SDHC: variants seen among roughly 807,000 people sequenced by gnomAD.
The protein encoded by SDHC is succinate dehydrogenase cytochrome b560 subunit, mitochondrial.
Under a neutral mutation model 22.6 loss-of-function variants are expected in SDHC, and 11 were observed. The ratio of observed to expected loss-of-function variants is 0.49; its 90% CI spans 0.31 to 0.81. The LOEUF (loss-of-function observed/expected upper bound fraction) is 0.81. Ranked by LOEUF, SDHC falls within the 30% of genes least tolerant of loss-of-function variation. SDHC has a pLI of 0.05. For missense variants in SDHC, 160 were observed against 212.0 expected, an observed-to-expected ratio of 0.75 and a Z score of 1.52; for synonymous variants, 80 against 77.8, an observed-to-expected ratio of 1.03 and a Z score of -0.15.
chr1:161,361,664 C>T (rs1672513759), intron 5 of SDHC, among the ~76,000 whole-genome samples: 2 of 151,904 alleles, frequency 1.3e-5, no homozygotes, highest in Admixed American at 6.6e-5. Flanking sequence ...TCGATGAAAC[C>T]CCATCTCTAC....
intron 5 of SDHC, among the ~76,000 whole-genome samples, chr1:161,359,962 G>C (rs997995210): frequency 4.9e-4 from 74 of 151,794 alleles, no homozygotes; most frequent in Admixed American, 4.9e-3. Flanking sequence ...TGTGGAATCT[G>C]CTTGACTCCT....
intron 1 of SDHC, among the ~76,000 whole-genome samples, chr1:161,319,536 T>C (rs542767392): frequency 2.0e-5 from 3 of 151,494 alleles, no homozygotes; most frequent in African/African-American, 7.3e-5. Context: ...AACCTCTGCC[T>C]CCTGGGTTCA....
intron 4 of SDHC, among the ~76,000 whole-genome samples, chr1:161,342,988 G>C (rs1571872281): frequency 6.6e-6 from 1 of 152,254 alleles, no homozygotes; most frequent in East Asian, 1.9e-4. Context: ...ATCACATCAG[G>C]CATCATTACA....
chr1:161,323,143 CAT>C (rs1290090349), intron 1 of SDHC, among the ~76,000 whole-genome samples: 12 of 152,070 alleles, frequency 7.9e-5, no homozygotes. Flanking sequence ...GGATTACAGG[CAT>C]GCGCCACCAC....
rs528053900 is a variant in SDHC, at chr1:161,320,634, G to A, written c.21-2980G>A. Among the ~76,000 whole-genome samples the A allele has an allele frequency of 2.0e-4, 31 of 152,052 alleles. No homozygotes were observed. The East Asian group carries it at 2.9e-3, about 14-fold the overall frequency. On this transcript the variant is annotated intron_variant, in intron 1 of 5. Transcript: ENST00000367975. Reference sequence around the variant, plus strand: ...ATGTGATGCAAATTCTAAAGACCTCGGGGAGACCAGTGATAATATGTTACA... The same window carrying A: ...ATGTGATGCAAATTCTAAAGACCTCAGGGAGACCAGTGATAATATGTTACA...
chr1:161,347,359 ATT>A lies in SDHC; in HGVS notation c.241+6707_241+6708del, dbSNP rs1671937271. ...AACCTCCGCCTGCCAGGTTAGAGAAATTTTCTTCCTCAGCCTTCCGAGTAGCT... is the reference window on the plus strand; with the variant it reads ...AACCTCCGCCTGCCAGGTTAGAGAAATTCTTCCTCAGCCTTCCGAGTAGCT... On this transcript the variant is annotated intron_variant, in intron 4 of 5. Transcript: ENST00000367975. Among the ~76,000 whole-genome samples the A allele has an allele frequency of 2.0e-5, 3 of 151,872 alleles. No individual in the cohort carries two copies. In the South Asian group the frequency reaches 6.2e-4, roughly 32 times the overall value.
At chr1:161,322,893 T>TA (rs1313871827) in intron 1 of SDHC, among the ~76,000 whole-genome samples, 1 of 152,112 alleles carries the variant, frequency 6.6e-6, no homozygotes, top group Non-Finnish European at 1.5e-5. Context: ...TTGTAGTAGA[T>TA]ATTTGCTAAA....
chr1:161,315,904 GGA>G (rs1670592138), intron 1 of SDHC, among the ~76,000 whole-genome samples: 1 of 152,082 alleles, frequency 6.6e-6, no homozygotes, highest in Non-Finnish European at 1.5e-5. Flanking sequence ...GGTGTTTCTC[GGA>G]GAGGGGGATG....
chr1:161,324,851 A>C (rs1670991720), intron 2 of SDHC, among the ~76,000 whole-genome samples: 1 of 152,184 alleles, frequency 6.6e-6, no homozygotes, highest in African/African-American at 2.4e-5. Context: ...ATGAACTCTT[A>C]TCTGATACAC....
At chr1:161,354,521 A>G (rs937820911) in intron 4 of SDHC, among the ~76,000 whole-genome samples, 1 of 152,054 alleles carries the variant, frequency 6.6e-6, no homozygotes, top group African/African-American at 2.4e-5. Context: ...AAACTATCAA[A>G]TCAGGGTCTC....
intron 3 of SDHC, among the ~76,000 whole-genome samples, chr1:161,338,252 A>T (rs1054345613): frequency 6.6e-6 from 1 of 152,112 alleles, no homozygotes; most frequent in Non-Finnish European, 1.5e-5. Flanking sequence ...AGTTGATCAG[A>T]GTGGTATCTA....
rs546033087 is a variant in SDHC, at chr1:161,315,674, A to C, written c.20+1249A>C. Among the ~76,000 whole-genome samples the C allele has an allele frequency of 8.5e-5, 13 of 152,298 alleles. No individual in the cohort carries two copies. In the South Asian group the frequency reaches 2.3e-3, roughly 27 times the overall value. On this transcript the variant is annotated intron_variant, in intron 1 of 5. Coordinates refer to ENST00000367975, the MANE Select transcript of SDHC (RefSeq NM_003001.5). ...CATTATAGTCATTAAGTGTATCCAT[A>C]CAGTATCATTTTGAGTTGTGCAGCG...
At chr1:161,338,679 G>A (rs1343393440) in intron 3 of SDHC, among the ~76,000 whole-genome samples, 1 of 152,162 alleles carries the variant, frequency 6.6e-6, no homozygotes, top group Non-Finnish European at 1.5e-5. Context: ...AACTTATTAG[G>A]AAATAAGTGG....
chr1:161,358,812 G>C (rs1033749836), intron 5 of SDHC, among the ~76,000 whole-genome samples: 1 of 151,916 alleles, frequency 6.6e-6, no homozygotes, highest in African/African-American at 2.4e-5. Flanking sequence ...TGTAATCCCA[G>C]CTACTCGGGA....
chr1:161,354,871 G>A (rs1297825426), intron 4 of SDHC, among the ~76,000 whole-genome samples: 1 of 151,822 alleles, frequency 6.6e-6, no homozygotes, highest in Non-Finnish European at 1.5e-5. Flanking sequence ...CACCACAACT[G>A]GCTCATTTTT....
intron 1 of SDHC, among the ~76,000 whole-genome samples, chr1:161,318,345 A>T (rs1670705015): frequency 6.6e-6 from 1 of 152,072 alleles, no homozygotes; most frequent in Non-Finnish European, 1.5e-5. Flanking sequence ...TTGTATTGTC[A>T]TGGCTTTTGA....
intron 1 of SDHC, among the ~76,000 whole-genome samples, chr1:161,317,799 G>A (rs1670682580): frequency 6.6e-6 from 1 of 151,206 alleles, no homozygotes; most frequent in Non-Finnish European, 1.5e-5. Flanking sequence ...GACCTCAGGT[G>A]ATCCACCTGA....
chr1:161,336,240 T>C (rs7530775), intron 3 of SDHC, among the ~76,000 whole-genome samples: 66,884 of 151,926 alleles, frequency 0.44, 15,782 homozygotes, highest in African/African-American at 0.61. Context: ...GGGTGGATCA[T>C]GAGGTCAAGA....
intron 4 of SDHC, among the ~76,000 whole-genome samples, chr1:161,347,318 G>A (rs1174665341): frequency 6.6e-6 from 1 of 151,958 alleles, no homozygotes; most frequent in Non-Finnish European, 1.5e-5. Flanking sequence ...GCAGTGGCAC[G>A]ATCTCGGCTC....
Sources: gnomAD v4.1 joint callset for allele counts (sites outside exome capture counted in the v4.1 genomes callset) on GRCh38, gnomAD v4.1.1 for gene constraint, MANE v1.5 for transcripts, NCBI Gene and HGNC (gene_info 2026-07-23, HGNC 2026-07-21) for gene names.